Variants in FN1 observed in about 807,000 individuals in gnomAD.
The protein encoded by FN1 is fibronectin 1, also known as fibronectin.
FN1 carries 106 observed loss-of-function variants against 297.3 expected under a neutral mutation model. That is an observed-to-expected ratio of 0.36 (90% CI 0.30 to 0.42). The LOEUF is 0.42. FN1 is among the 10% of genes least tolerant of loss of function. The pLI is 1.00. For synonymous variants in FN1, 1,149 were observed against 1,152.6 expected, an observed-to-expected ratio of 1.00 and a Z score of 0.06; for missense variants, 2,690 against 3,124.9, an observed-to-expected ratio of 0.86 and a Z score of 3.32.
At chr2:215,425,414 G>C in intron 6 of FN1, 129 bp from the exon 7 acceptor site, 1 of 908,152 alleles carries the variant, frequency 1.1e-6, no homozygotes, top group Non-Finnish European at 1.8e-6. Context: ...CCTGGGACTG[G>C]AAAAAAATGT....
In FN1 at chr2:215,376,617, A is replaced by G; in HGVS notation, c.5768T>C (p.Ile1923Thr). 1 of 1,613,334 alleles carries G rather than the reference A, an allele frequency of 6.2e-7. No individual in the cohort carries two copies. The highest frequency in any genetic ancestry group is 8.5e-7 in the Non-Finnish European group (1 of 1,179,868). ...CGTCTCAGTCTTGGTTCTCCAGCTA[A>G]TGGTGATGGTGGTCTCAGTAGCATC... ...VTDATETTIT[I>T]SWRTKTETIT... Residue 1923 changes from isoleucine (I) to threonine (T), a missense_variant, in exon 36 of 46, where the codon ATT becomes ACT. Ile to Thr is a moderately conservative substitution (Grantham distance 89, BLOSUM62 -1). Coordinates refer to ENST00000354785, the MANE Select transcript of FN1 (RefSeq NM_212482.4).
chr2:215,364,739 G>A (rs1030075848), intron 44 of FN1, 140 bp downstream of exon 44: 10 of 694,566 alleles, frequency 1.4e-5, no homozygotes, highest in Non-Finnish European at 2.1e-5. Context: ...CTCTATGTCA[G>A]CAGTTGTATG....
Position 215,435,803 on chromosome 2 carries a change from G to A in FN1, c.-1C>T, listed in dbSNP as rs2067385977. On this transcript the variant is annotated 5_prime_UTR_variant, in exon 1 of 46. Coordinates refer to ENST00000354785, the MANE Select transcript of FN1 (RefSeq NM_212482.4). ...GCCCGGGCCCCGGACCCCTAAGCAT[G>A]TTGAGACGGTGGGGGAGAGACGCCC... 4 of 1,551,226 alleles carry A rather than the reference G, an allele frequency of 2.6e-6. No individual in the cohort carries two copies. The highest frequency in any genetic ancestry group is 3.5e-6 in the Non-Finnish European group (4 of 1,151,824).
chr2:215,431,991 G>T, intron 3 of FN1, 27 bp from the exon 4 acceptor site: 1 of 1,612,746 alleles, frequency 6.2e-7, no homozygotes, highest in Non-Finnish European at 8.5e-7. Flanking sequence ...GAAAATGTTA[G>T]GAGAGGGCAG....
In FN1 at chr2:215,425,077, A is replaced by G. The variant is rs370550990; in HGVS notation, c.1036+17T>C. The G allele has an allele frequency of 6.2e-7, 1 of 1,611,768 alleles. No individual in the cohort carries two copies. The highest frequency in any genetic ancestry group is 1.3e-5 in the African/African-American group (1 of 74,890). The stretch of plus-strand genomic sequence containing the variant: ...AATAAAGTCATCAGTCCTATTCTTC[A>G]AAAAGATAATGCATACCTGTCTCTT... On this transcript the variant is annotated intron_variant, in intron 7 of 45. Transcript: ENST00000354785.
intron 40 of FN1, among the ~76,000 whole-genome samples, chr2:215,371,491 ATCTT>A (rs570672384): frequency 1.4e-3 from 218 of 151,994 alleles, no homozygotes; most frequent in African/African-American, 5.0e-3. Context: ...AGAATCATCT[ATCTT>A]ACTCAAAAAG....
rs765104723 is a variant in FN1 at position 215,372,327 on chromosome 2, G to T, written c.6296C>A (p.Pro2099Gln). Residue 2099 changes from proline (P) to glutamine (Q), a missense_variant, in exon 40 of 46, where the codon CCA becomes CAA. By Grantham distance (76) the Pro-to-Gln change is moderately conservative. Around this residue, in one of 3 missense-constraint regions of FN1, gnomAD observed 1,743 missense variants for 1,945.2 expected, o/e 0.90. Coordinates refer to ENST00000354785, the MANE Select transcript of FN1 (RefSeq NM_212482.4). Reference sequence around the variant, plus strand: ...TGTGGAAGGAACATCCAAGATCTCTGGTCCATGAAGATTGGGGTGTGGAAG... The same window carrying T: ...TGTGGAAGGAACATCCAAGATCTCTTGTCCATGAAGATTGGGGTGTGGAAG... ...VTLPHPNLHG[P>Q]EILDVPSTVQ... The T allele has an allele frequency of 6.2e-7, 1 of 1,614,198 alleles. No homozygotes were observed. Among genetic ancestry groups the T allele is most frequent in the South Asian group, 1.1e-5 (1 of 91,088 alleles).
intron 6 of FN1, 33 bp downstream of exon 6, chr2:215,428,147 C>G (rs2065834557): frequency 1.2e-6 from 2 of 1,612,534 alleles, no homozygotes; most frequent in Admixed American, 3.3e-5. Flanking sequence ...ACCTGCTTCC[C>G]CATTTCCCGC....
Position 215,379,220 on chromosome 2 carries a change from T to G in FN1, c.5532A>C (p.Arg1844=), listed in dbSNP as rs149965879. The change falls in exon 34 of 46, where the codon CGA becomes CGC. Residue 1844 remains arginine, a synonymous_variant. Transcript: ENST00000354785. ...TPPNVQLTGY[R]VRVTPKEKTG... ...TCTTCTCCTTGGGGGTCACCCGCAC[T>G]CGATATCCAGTGAGCTGAACATTGG... The G allele has an allele frequency of 7.1e-5, 115 of 1,614,090 alleles. No individual in the cohort carries two copies. The African/African-American group carries it at 1.2e-3, about 17-fold the overall frequency.
rs2060087925 is a variant in FN1, at chr2:215,394,625, A to G, written c.3699T>C (p.Thr1233=). ...EVVHADQSSC[T]FDNLSPGLEY... The stretch of plus-strand genomic sequence containing the variant: ...CCAGGCCGGGACTCAGGTTATCAAA[A>G]GTGCAGGAGCTCTGATCAGCATGGA... The change falls in exon 24 of 46, where the codon ACT becomes ACC. Residue 1233 remains threonine, a synonymous_variant. Transcript: ENST00000354785. 1.2e-6 allele frequency: 2 copies of G among 1,614,160 alleles called. No individual in the cohort carries two copies. The highest frequency in any genetic ancestry group is 8.5e-7 in the Non-Finnish European group (1 of 1,179,988).
intron 34 of FN1, 44 bp from the exon 35 acceptor site, chr2:215,378,306 T>G: frequency 9.4e-7 from 1 of 1,067,666 alleles, no homozygotes; most frequent in Non-Finnish European, 1.5e-6. Flanking sequence ...CGTCCTCAAC[T>G]GAAACCCAAG....
rs1189303028 is a variant in FN1 at position 215,401,267 on chromosome 2, GA to G, written c.3254-1917del. On this transcript the variant is annotated intron_variant, in intron 20 of 45. Coordinates refer to ENST00000354785, the MANE Select transcript of FN1 (RefSeq NM_212482.4). The stretch of plus-strand genomic sequence containing the variant: ...GAAAGAAAGGAAGAAAGAAAGGAAG[GA>G]AAGGAAAGGAAAGGAAGAAAAGAGA... 5.4e-3 allele frequency among the ~76,000 whole-genome samples: 468 copies of G among 86,746 alleles called. 2 individuals carry two copies. The highest frequency in any genetic ancestry group is 0.013 in the African/African-American group (240 of 18,720). The allele number at this position is 86,746 out of a possible 152,430, so 56.9% of individuals were successfully genotyped here.
chr2:215,420,585 G>C (rs1207760051), intron 11 of FN1, 88 bp downstream of exon 11: 7 of 1,538,620 alleles, frequency 4.5e-6, no homozygotes, highest in Non-Finnish European at 6.3e-6. Flanking sequence ...GCCAACTTCA[G>C]TCATGTGATT....
intron 3 of FN1, 112 bp downstream of exon 3, chr2:215,433,212 C>G (rs1389494258): frequency 1.4e-6 from 2 of 1,388,192 alleles, no homozygotes; most frequent in Admixed American, 1.7e-5. Context: ...TCACCAGGGG[C>G]AAACCTCAAA....
rs757111849 is a variant in FN1 at position 215,397,823 on chromosome 2, C to T, written c.3374G>A (p.Gly1125Glu). The T allele has an allele frequency of 6.2e-7, 1 of 1,614,144 alleles. No individual in the cohort carries two copies. The highest frequency in any genetic ancestry group is 8.5e-7 in the Non-Finnish European group (1 of 1,180,000). Reference protein sequence around the residue: ...FKLGVRPSQGGEAPREVTSDS... With the variant: ...FKLGVRPSQGEEAPREVTSDS... ...TGAAGTCACTTCTCGTGGTGCCTCT[C>T]CTCCCTGGCTTGGTCGTACACCCAG... The change falls in exon 22 of 46, where the codon GGA (glycine) becomes GAA (glutamate). Residue 1125 changes from glycine (G) to glutamate (E), a missense_variant. Physicochemically the swap from Gly to Glu is moderately conservative, Grantham distance 98 (BLOSUM62 -2). Transcript: ENST00000354785.
rs1559513412 is a variant in FN1 at position 215,410,129 on chromosome 2, T to C, written c.1942-15A>G. Reference sequence around the variant, plus strand: ...ACAGAATTTTTCTGAAAATTTAAATTAACACACACACACACACACACACGT... The same window carrying C: ...ACAGAATTTTTCTGAAAATTTAAATCAACACACACACACACACACACACGT... On this transcript the variant is annotated splice_polypyrimidine_tract_variant and intron_variant, in intron 13 of 45. Coordinates refer to ENST00000354785, the MANE Select transcript of FN1 (RefSeq NM_212482.4). 6.7e-7 allele frequency: 1 copy of C among 1,489,142 alleles called. No homozygotes were observed. The highest frequency in any genetic ancestry group is 2.6e-5 in the East Asian group (1 of 38,970). 92.2% of individuals were successfully genotyped at this position (1,489,142 alleles called of 1,614,324 possible).
At chr2:215,403,519 A>G (rs1315031265) in intron 20 of FN1, among the ~76,000 whole-genome samples, 3 of 152,352 alleles carry the variant, frequency 2.0e-5, no homozygotes, top group African/African-American at 7.2e-5. Flanking sequence ...TACTTATGTT[A>G]GGTGCTTCTA....
chr2:215,413,071 TG>T (rs2062908825), intron 13 of FN1, among the ~76,000 whole-genome samples: 1 of 152,198 alleles, frequency 6.6e-6, no homozygotes, highest in African/African-American at 2.4e-5. Context: ...ACCTTAATAT[TG>T]CTGCATTTTA....
chr2:215,428,983 C>T (rs528361188), intron 5 of FN1, among the ~76,000 whole-genome samples: 49 of 152,144 alleles, frequency 3.2e-4, no homozygotes, highest in African/African-American at 1.2e-3. Flanking sequence ...CCATTGCACT[C>T]CAGCCTGGGC....
Sources: allele counts gnomAD v4.1 joint callset (sites outside exome capture counted in the v4.1 genomes callset), GRCh38; gene constraint gnomAD v4.1.1; regional missense constraint gnomAD v4.1.1; transcripts MANE v1.5; gene names NCBI Gene and HGNC (gene_info 2026-07-23, HGNC 2026-07-21).